The following GMDS variants were observed in gnomAD, a reference collection of about 807,000 sequenced individuals.
The protein encoded by GMDS is GDP-mannose 4,6 dehydratase.
A neutral mutation model predicts 49.9 loss-of-function variants in GMDS; 20 were observed. The ratio of observed to expected loss-of-function variants is 0.40; its 90% CI spans 0.28 to 0.58. The LOEUF (loss-of-function observed/expected upper bound fraction) is 0.58. GMDS is among the 20% of genes least tolerant of loss of function. The pLI is 0.42. For synonymous variants in GMDS, 177 were observed against 178.6 expected (o/e 0.99, Z 0.07); for missense variants, 362 against 481.4 (o/e 0.75, Z 2.32).
chr6:1,923,195 G>A (rs145676415), intron 7 of GMDS, among the ~76,000 whole-genome samples: 29 of 152,228 alleles, frequency 1.9e-4, no homozygotes, highest in Non-Finnish European at 2.8e-4. Context: ...GCATGAGAAC[G>A]GACTAATACA....
chr6:1,722,121 C>T (rs965966301), intron 9 of GMDS, among the ~76,000 whole-genome samples: 2 of 136,120 alleles, frequency 1.5e-5, no homozygotes, highest in African/African-American at 5.5e-5. Flanking sequence ...GGCTGGAGTG[C>T]AGTGGTGTGA....
At chr6:1,838,506 T>A (rs1022988203) in intron 7 of GMDS, among the ~76,000 whole-genome samples, 2 of 152,252 alleles carry the variant, frequency 1.3e-5, no homozygotes, top group African/African-American at 4.8e-5. Flanking sequence ...GGCTGTTTTT[T>A]TCCACATAAA....
chr6:1,674,117 G>A (rs760723867), intron 9 of GMDS, among the ~76,000 whole-genome samples: 1 of 149,920 alleles, frequency 6.7e-6, no homozygotes, highest in Non-Finnish European at 1.5e-5. Context: ...CGTGCAAAGT[G>A]TCTAAACCTT....
chr6:2,052,700 C>A (rs1182837628), intron 4 of GMDS, among the ~76,000 whole-genome samples: 1 of 152,170 alleles, frequency 6.6e-6, no homozygotes, highest in Admixed American at 6.5e-5. Context: ...TGTAAGAATT[C>A]TCTTCCCCCA....
intron 7 of GMDS, among the ~76,000 whole-genome samples, chr6:1,868,031 G>T (rs113503308): frequency 1.3e-5 from 2 of 151,696 alleles, no homozygotes; most frequent in Non-Finnish European, 2.9e-5. Flanking sequence ...CTGTCACCCA[G>T]GCTGGAGTGC....
At chr6:2,138,719 C>T (rs1217836562) in intron 1 of GMDS, among the ~76,000 whole-genome samples, 1 of 152,136 alleles carries the variant, frequency 6.6e-6, no homozygotes, top group Non-Finnish European at 1.5e-5. Flanking sequence ...TAATGCAAAA[C>T]GGACTAATAA....
At chr6:1,931,612 C>T (rs1762289122) in intron 6 of GMDS, among the ~76,000 whole-genome samples, 1 of 152,104 alleles carries the variant, frequency 6.6e-6, no homozygotes, top group Non-Finnish European at 1.5e-5. Context: ...TAATTAGTGG[C>T]TAATTAGTAA....
At chr6:1,809,980 T>C (rs1265990284) in intron 7 of GMDS, among the ~76,000 whole-genome samples, 2 of 151,836 alleles carry the variant, frequency 1.3e-5, no homozygotes, top group Non-Finnish European at 2.9e-5. Flanking sequence ...TGGAGGGTTA[T>C]TTTTAATAAC....
At chr6:1,981,952 G>T (rs1487105739) in intron 4 of GMDS, among the ~76,000 whole-genome samples, 1 of 152,108 alleles carries the variant, frequency 6.6e-6, no homozygotes, top group Non-Finnish European at 1.5e-5. Context: ...ATGAGAAAAG[G>T]CCTTCCATAA....
chr6:2,016,258 C>CA (rs747956143), intron 4 of GMDS, among the ~76,000 whole-genome samples: 1,894 of 105,430 alleles, frequency 0.018, 22 homozygotes, highest in African/African-American at 0.027. Context: ...GGCTCGGTCT[C>CA]AAAAAAAAAA....
intron 4 of GMDS, among the ~76,000 whole-genome samples, chr6:1,989,312 T>C (rs543329291): frequency 6.6e-6 from 1 of 152,290 alleles, no homozygotes; most frequent in Admixed American, 6.5e-5. Flanking sequence ...AAAAAGGCTG[T>C]TAATGGAAGA....
intron 1 of GMDS, among the ~76,000 whole-genome samples, chr6:2,173,760 AATAAGCCC>A (rs764000696): frequency 5.3e-5 from 8 of 152,224 alleles, no homozygotes; most frequent in Non-Finnish European, 7.3e-5. Context: ...TTATAAGTGC[AATAAGCCC>A]ATATTCAGAG....
At chr6:2,135,015 T>C (rs1224680840) in intron 1 of GMDS, among the ~76,000 whole-genome samples, 1 of 152,144 alleles carries the variant, frequency 6.6e-6, no homozygotes, top group Non-Finnish European at 1.5e-5. Context: ...GAAGAAAGCA[T>C]AAATCCCTTG....
chr6:1,783,331 G>A (rs1252634595), intron 7 of GMDS, among the ~76,000 whole-genome samples: 2 of 152,172 alleles, frequency 1.3e-5, no homozygotes, highest in African/African-American at 2.4e-5. Context: ...GAGGTTCCAC[G>A]GGGTGCAGGT....
At chr6:2,220,769 GA>G (rs958843272) in intron 1 of GMDS, among the ~76,000 whole-genome samples, 266 of 145,140 alleles carry the variant, frequency 1.8e-3, no homozygotes, top group African/African-American at 3.5e-3. Flanking sequence ...TTCAAAATCG[GA>G]AAAAAAAAAA....
chr6:1,766,745 G>T lies in GMDS; in HGVS notation c.772-24159C>A, dbSNP rs1415181262. Among the ~76,000 whole-genome samples the T allele has an allele frequency of 6.6e-6, 1 of 152,174 alleles. No individual in the cohort carries two copies. Among genetic ancestry groups the T allele is most frequent in the African/African-American group, 2.4e-5 (1 of 41,434 alleles). On this transcript the variant is annotated intron_variant, in intron 7 of 10. Coordinates refer to ENST00000380815, the MANE Select transcript of GMDS (RefSeq NM_001500.4). The surrounding 1 kb of genome is among the most constrained non-coding windows in gnomAD (Gnocchi z 4.5). Reference sequence around the variant, plus strand: ...TCACCAGATCTGCTTACACGGAGGAGCTGCACATCGAACATGCTAAAAACT... The same window carrying T: ...TCACCAGATCTGCTTACACGGAGGATCTGCACATCGAACATGCTAAAAACT...
intron 3 of GMDS, 47 bp from the exon 4 acceptor site, chr6:2,115,927 G>A (rs2127499791): frequency 9.3e-7 from 1 of 1,075,170 alleles, no homozygotes; most frequent in East Asian, 2.4e-5. Context: ...AGCAACATAA[G>A]CTCAATTTTT....
intron 4 of GMDS, among the ~76,000 whole-genome samples, chr6:1,969,382 G>A (rs1039063623): frequency 6.7e-6 from 1 of 149,654 alleles, no homozygotes; most frequent in Non-Finnish European, 1.5e-5. Flanking sequence ...CTTCTAAAGT[G>A]TAAATGAATT....
chr6:1,682,616 C>T, intron 9 of GMDS, among the ~76,000 whole-genome samples: 1 of 25,888 alleles, frequency 3.9e-5, no homozygotes, highest in East Asian at 6.4e-4. Context: ...GTCGCCCAGG[C>T]TGGAGTGCAG....
Sources: gnomAD v4.1 joint callset for allele counts (sites outside exome capture counted in the v4.1 genomes callset) on GRCh38, gnomAD v4.1.1 for gene constraint, Gnocchi (gnomAD v3.1) non-coding constraint, MANE v1.5 for transcripts, NCBI Gene and HGNC (gene_info 2026-07-23, HGNC 2026-07-21) for gene names.